RELN: variants seen among roughly 807,000 people sequenced by gnomAD.
The protein encoded by RELN is reelin.
In RELN, 108 loss-of-function variants were observed where a neutral mutation model predicts 427.6. The observed-to-expected ratio is 0.25, with a 90% confidence interval of 0.22 to 0.30. RELN has a LOEUF of 0.30. RELN is among the 10% of genes least tolerant of loss of function. The pLI is 1.00. For missense variants in RELN, 3,715 were observed against 4,302.8 expected, an observed-to-expected ratio of 0.86 and a Z score of 3.82; for synonymous variants, 1,524 against 1,513.4, an observed-to-expected ratio of 1.01 and a Z score of -0.16.
Position 103,629,957 on chromosome 7 carries a change from G to C in RELN, c.2685C>G (p.Gly895=). ...FYLGNVQPYC[G]HDWTLCFTGD... ...ATCCTTACCAAAGGGTCCAGTCGTG[G>C]CCACAGTATGGCTGAACATTTCCAA... Residue 895 remains glycine (G), a synonymous_variant, in exon 20 of 65, where the codon GGC becomes GGG. Transcript: ENST00000428762. 6.2e-7 allele frequency: 1 copy of C among 1,608,010 alleles called. No homozygotes were observed. The highest frequency in any genetic ancestry group is 8.5e-7 in the Non-Finnish European group (1 of 1,174,550).
rs537927268 is a variant in RELN at position 103,821,660 on chromosome 7, G to A, written c.473+11877C>T. 2.4e-4 allele frequency among the ~76,000 whole-genome samples: 37 copies of A among 152,166 alleles called. 1 individual carries two copies. The East Asian group carries it at 2.5e-3, about 10-fold the overall frequency. ...AATCTGAGCATTAATGCCTGCAGGA[G>A]GATTTAGAAGAAAGGCTTATGTGGC... On this transcript the variant is annotated intron_variant, in intron 3 of 64. Coordinates refer to ENST00000428762, the MANE Select transcript of RELN (RefSeq NM_005045.4).
chr7:103,702,669 C>T (rs1834118784), intron 8 of RELN, among the ~76,000 whole-genome samples: 1 of 152,166 alleles, frequency 6.6e-6, no homozygotes, highest in Non-Finnish European at 1.5e-5. Flanking sequence ...CTCACTTTTC[C>T]TCAGCCACTC....
At chr7:103,947,469 G>T (rs899771107) in intron 1 of RELN, among the ~76,000 whole-genome samples, 1 of 152,104 alleles carries the variant, frequency 6.6e-6, no homozygotes, top group African/African-American at 2.4e-5. Context: ...ATGCATAAAA[G>T]GAATGCAATA....
chr7:103,988,636 T>C lies in RELN; in HGVS notation c.226+495A>G, dbSNP rs575105862. 1.3e-5 allele frequency among the ~76,000 whole-genome samples: 2 copies of C among 152,246 alleles called. No individual in the cohort carries two copies. Among genetic ancestry groups the C allele is most frequent in the African/African-American group, 4.8e-5 (2 of 41,554 alleles). On this transcript the variant is annotated intron_variant, in intron 1 of 64. Coordinates refer to ENST00000428762, the MANE Select transcript of RELN (RefSeq NM_005045.4). The surrounding 1 kb of genome is among the most constrained non-coding windows in gnomAD (Gnocchi z 4.9). ...TCCTGGCTGGTGAGCAGCGGGAACT[T>C]TGCGGTCGAGCGGCGCGGGGCAGCC...
At chr7:103,721,139 G>A (rs1463810093) in intron 8 of RELN, among the ~76,000 whole-genome samples, 2 of 152,022 alleles carry the variant, frequency 1.3e-5, no homozygotes, top group Non-Finnish European at 2.9e-5. Flanking sequence ...ACTGCCACCT[G>A]AAAAGATTTA....
In RELN at chr7:103,495,195, T is replaced by G. The variant is rs865872793; in HGVS notation, c.9369+528A>C. On this transcript the variant is annotated intron_variant, in intron 57 of 64. Coordinates refer to ENST00000428762, the MANE Select transcript of RELN (RefSeq NM_005045.4). ...AATTCCTTTTTTTTTTTTTTTTTTT[T>G]GAGACAGAATCTCGTTCTGTCGCCC... is the stretch of plus-strand genomic sequence containing the variant. Among the ~76,000 whole-genome samples, 12 of 121,368 alleles carry G rather than the reference T, an allele frequency of 9.9e-5. No homozygotes were observed. The South Asian group carries it at 1.7e-3, about 17-fold the overall frequency. 79.6% of individuals were successfully genotyped at this position (121,368 alleles called of 152,430 possible).
chr7:103,587,874 A>T (rs182658847), intron 28 of RELN, among the ~76,000 whole-genome samples: 2 of 152,274 alleles, frequency 1.3e-5, no homozygotes, highest in African/African-American at 4.8e-5. Context: ...AAGACAAAAA[A>T]CAAACAAACA....
At chr7:103,891,377 G>T (rs1794845224) in intron 2 of RELN, among the ~76,000 whole-genome samples, 3 of 152,066 alleles carry the variant, frequency 2.0e-5, no homozygotes, top group Admixed American at 2.0e-4. Flanking sequence ...TTATTGTGCT[G>T]GCCATGGTAA....
intron 1 of RELN, among the ~76,000 whole-genome samples, chr7:103,983,044 T>G (rs1381101988): frequency 6.6e-6 from 1 of 152,238 alleles, no homozygotes; most frequent in East Asian, 1.9e-4. Context: ...AACCTGCATT[T>G]TAAACATTTA....
rs139739352 is a variant in RELN, at chr7:103,756,525, CA to C, written c.545-3312del. ...TAAGCCAAAGCTGGTAATAGTGTCT[CA>C]ATAAATAATAAATTGATTTGAAAGC... On this transcript the variant is annotated intron_variant, in intron 4 of 64. Coordinates refer to ENST00000428762, the MANE Select transcript of RELN (RefSeq NM_005045.4). Among the ~76,000 whole-genome samples the C allele has an allele frequency of 2.2e-3, 336 of 152,098 alleles. 1 individual carries two copies. The highest frequency in any genetic ancestry group is 3.7e-3 in the Non-Finnish European group (252 of 67,998).
At chr7:103,880,437 G>A (rs561785100) in intron 2 of RELN, among the ~76,000 whole-genome samples, 3 of 152,006 alleles carry the variant, frequency 2.0e-5, no homozygotes, top group Non-Finnish European at 2.9e-5. Flanking sequence ...AAACTAAGGC[G>A]CCAATAATTA....
At chr7:103,511,245 G>GA (rs905878422) in intron 50 of RELN, among the ~76,000 whole-genome samples, 1 of 151,758 alleles carries the variant, frequency 6.6e-6, no homozygotes, top group African/African-American at 2.4e-5. Flanking sequence ...GTCTACACAT[G>GA]AAAAAAAGTA....
At chr7:103,980,814 C>T (rs1416159530) in intron 1 of RELN, among the ~76,000 whole-genome samples, 1 of 151,960 alleles carries the variant, frequency 6.6e-6, no homozygotes, top group Admixed American at 6.5e-5. Flanking sequence ...CCTTTTTTTT[C>T]AGGTAATATT....
chr7:103,892,306 G>A (rs145119085), intron 2 of RELN, among the ~76,000 whole-genome samples: 108 of 152,064 alleles, frequency 7.1e-4, no homozygotes, highest in African/African-American at 2.6e-3. Flanking sequence ...ACCCATGATG[G>A]GCTGATACAC....
chr7:103,739,892 C>A (rs561301013), intron 6 of RELN, among the ~76,000 whole-genome samples: 2 of 152,290 alleles, frequency 1.3e-5, no homozygotes, highest in South Asian at 4.1e-4. Flanking sequence ...TGGCCCAGGA[C>A]TGGGAACAGC....
At chr7:103,653,164 C>T (rs905238558) in intron 13 of RELN, among the ~76,000 whole-genome samples, 2 of 152,052 alleles carry the variant, frequency 1.3e-5, no homozygotes, top group African/African-American at 4.8e-5. Flanking sequence ...GCTTTCCAAA[C>T]TAGTATTGTG....
intron 51 of RELN, among the ~76,000 whole-genome samples, chr7:103,508,385 A>T (rs1480397924): frequency 6.6e-6 from 1 of 152,196 alleles, no homozygotes; most frequent in Non-Finnish European, 1.5e-5. Context: ...ATAATCCAAC[A>T]TATAAATGAC....
At chr7:103,981,868 G>A (rs1317580473) in intron 1 of RELN, among the ~76,000 whole-genome samples, 1 of 152,296 alleles carries the variant, frequency 6.6e-6, no homozygotes, top group South Asian at 2.1e-4. Context: ...TTTATCAAGA[G>A]TCTTCCCAAA....
chr7:103,883,763 A>G (rs773982062), intron 2 of RELN, among the ~76,000 whole-genome samples: 1 of 152,212 alleles, frequency 6.6e-6, no homozygotes, highest in African/African-American at 2.4e-5. Context: ...ACAATAAAAC[A>G]CTGCTCAAGG....
Sources: gnomAD v4.1 joint callset for allele counts (sites outside exome capture counted in the v4.1 genomes callset) on GRCh38, gnomAD v4.1.1 for gene constraint, Gnocchi (gnomAD v3.1) non-coding constraint, MANE v1.5 for transcripts, NCBI Gene and HGNC (gene_info 2026-07-23, HGNC 2026-07-21) for gene names.